SLC24A2: variants seen among roughly 807,000 people sequenced by gnomAD.
The protein encoded by SLC24A2 is sodium/potassium/calcium exchanger 2.
In SLC24A2, 36 loss-of-function variants were observed where a neutral mutation model predicts 62.0. The observed-to-expected ratio is 0.58, with a 90% CI of 0.44 to 0.77. The LOEUF (loss-of-function observed/expected upper bound fraction) is 0.77, where lower values mean the gene tolerates loss of function less well. Ranked by LOEUF, SLC24A2 falls within the 30% of genes least tolerant of loss-of-function variation. SLC24A2 has a pLI of 0.00. For missense variants in SLC24A2, 846 were observed against 817.9 expected (o/e 1.03, Z -0.42); for synonymous variants, 358 against 294.0 (o/e 1.22, Z -2.23).
chr9:19,669,585 G>C (rs1219089080), intron 2 of SLC24A2, among the ~76,000 whole-genome samples: 2 of 152,212 alleles, frequency 1.3e-5, no homozygotes, highest in African/African-American at 4.8e-5. Flanking sequence ...GCTGATACTT[G>C]CCTTCAGGCT....
At chr9:19,835,678 G>T in the SLC24A2 span, among the ~76,000 whole-genome samples, 1 of 152,106 alleles carries the variant, frequency 6.6e-6, no homozygotes, top group Non-Finnish European at 1.5e-5. Flanking sequence ...GAGACAGAAA[G>T]TTAACAAGGA....
chr9:19,887,732 C>T, the SLC24A2 span, among the ~76,000 whole-genome samples: 7 of 152,012 alleles, frequency 4.6e-5, no homozygotes, highest in Middle Eastern at 3.4e-3. Flanking sequence ...AGTCATTATA[C>T]GAAAAATATA....
chr9:20,227,535 T>TAAAA, the SLC24A2 span, among the ~76,000 whole-genome samples: 4 of 124,636 alleles, frequency 3.2e-5, no homozygotes, highest in South Asian at 5.3e-4. Flanking sequence ...CACACATTTC[T>TAAAA]AAAAAAAAAA....
the SLC24A2 span, chr9:19,929,967 G>C: frequency 3.9e-5 from 6 of 152,078 alleles, no homozygotes; most frequent in East Asian, 1.2e-3. Flanking sequence ...AAATATTTTC[G>C]TATAGCTATA....
At chr9:19,869,713 T>C in the SLC24A2 span, among the ~76,000 whole-genome samples, 13 of 152,364 alleles carry the variant, frequency 8.5e-5, no homozygotes, top group African/African-American at 2.9e-4. Flanking sequence ...CCTTGTCATA[T>C]GTATGACAAC....
chr9:20,177,886 G>A, the SLC24A2 span, among the ~76,000 whole-genome samples: 1 of 152,080 alleles, frequency 6.6e-6, no homozygotes, highest in Non-Finnish European at 1.5e-5. Context: ...GAGTCACTGA[G>A]AAATTACGGA....
chr9:20,301,922 C>A, the SLC24A2 span, among the ~76,000 whole-genome samples: 1 of 152,196 alleles, frequency 6.6e-6, no homozygotes, highest in Non-Finnish European at 1.5e-5. Context: ...CCTCGCTAAA[C>A]CCTGGCAACC....
At chr9:19,653,106 C>A (rs1030535698) in intron 2 of SLC24A2, among the ~76,000 whole-genome samples, 2 of 152,168 alleles carry the variant, frequency 1.3e-5, no homozygotes, top group East Asian at 3.8e-4. Flanking sequence ...GCTCACCCCC[C>A]AAACTTGGAC....
At chr9:20,295,847 T>C in the SLC24A2 span, among the ~76,000 whole-genome samples, 2 of 152,198 alleles carry the variant, frequency 1.3e-5, no homozygotes, top group African/African-American at 2.4e-5. Flanking sequence ...TTGCCTATCA[T>C]GGAACTTCTC....
intron 2 of SLC24A2, among the ~76,000 whole-genome samples, chr9:19,716,602 T>C (rs1158107978): frequency 6.6e-6 from 1 of 152,192 alleles, no homozygotes; most frequent in South Asian, 2.1e-4. Context: ...ATGTCTTATA[T>C]TTGCCTTTAG....
At chr9:19,783,771 C>A (rs1194959403) in intron 2 of SLC24A2, among the ~76,000 whole-genome samples, 1 of 152,170 alleles carries the variant, frequency 6.6e-6, no homozygotes, top group Non-Finnish European at 1.5e-5. Context: ...AAACGTGTGA[C>A]TGTGCTCTGG....
the SLC24A2 span, among the ~76,000 whole-genome samples, chr9:20,304,078 A>G: frequency 6.6e-6 from 1 of 152,204 alleles, no homozygotes; most frequent in Non-Finnish European, 1.5e-5. Context: ...CTTGGGTTTT[A>G]TGCTGAGTGA....
At chr9:19,655,374 C>T (rs1044172246) in intron 2 of SLC24A2, among the ~76,000 whole-genome samples, 3 of 152,144 alleles carry the variant, frequency 2.0e-5, no homozygotes, top group Admixed American at 6.6e-5. Context: ...AAGACGTAGA[C>T]GTTGATAGGA....
Position 19,642,671 on chromosome 9 carries a change from C to CTTTTTTTT in SLC24A2, c.931-20380_931-20373dup, listed in dbSNP as rs71335440. ...AGAATGGTTTATATGAGAGCGTATT[C>CTTTTTTTT]TTTTTTTTTTTTTTTTTTTTTTTTT... On this transcript the variant is annotated intron_variant, in intron 2 of 10. Coordinates refer to ENST00000341998, the MANE Select transcript of SLC24A2 (RefSeq NM_020344.4). Among the ~76,000 whole-genome samples, 2 of 79,850 alleles carry CTTTTTTTT rather than the reference C, an allele frequency of 2.5e-5. 1 individual carries two copies. Among genetic ancestry groups the CTTTTTTTT allele is most frequent in the Non-Finnish European group, 4.9e-5 (2 of 40,580 alleles). 52.4% of individuals were successfully genotyped at this position (79,850 alleles called of 152,430 possible).
chr9:20,199,636 G>A, the SLC24A2 span, among the ~76,000 whole-genome samples: 1 of 151,908 alleles, frequency 6.6e-6, no homozygotes, highest in African/African-American at 2.4e-5. Context: ...AGTAACAATA[G>A]GTTTTTTAAA....
the SLC24A2 span, among the ~76,000 whole-genome samples, chr9:20,138,179 T>G: frequency 6.6e-6 from 1 of 152,318 alleles, no homozygotes; most frequent in East Asian, 1.9e-4. Flanking sequence ...TAAATTTGAT[T>G]TCTCAAAGAT....
the SLC24A2 span, among the ~76,000 whole-genome samples, chr9:20,078,643 C>G: frequency 6.6e-6 from 1 of 152,182 alleles, no homozygotes; most frequent in South Asian, 2.1e-4. Context: ...CTCCATCTCC[C>G]TTCTGGCTAC....
chr9:19,776,406 G>C (rs762364277), intron 2 of SLC24A2, among the ~76,000 whole-genome samples: 1 of 152,180 alleles, frequency 6.6e-6, no homozygotes, highest in African/African-American at 2.4e-5. Flanking sequence ...TTATTTCAGA[G>C]TGTTGATGTA....
At chr9:19,926,024 C>G in the SLC24A2 span, 1 of 152,150 alleles carries the variant, frequency 6.6e-6, no homozygotes, top group Non-Finnish European at 1.5e-5. Flanking sequence ...AGAAAAGGGC[C>G]TGTTTTCCTG....
Sources: allele counts gnomAD v4.1 joint callset (sites outside exome capture counted in the v4.1 genomes callset), GRCh38; gene constraint gnomAD v4.1.1; transcripts MANE v1.5; gene names NCBI Gene and HGNC (gene_info 2026-07-23, HGNC 2026-07-21).